SPART: variants seen among roughly 807,000 people sequenced by gnomAD.
SPART encodes the protein spastic paraplegia 20 (Troyer syndrome).
In SPART, 35 loss-of-function variants were observed where a neutral mutation model predicts 58.7. The ratio of observed to expected loss-of-function variants is 0.60; its 90% CI spans 0.46 to 0.79. The LOEUF is 0.79. Ranked by LOEUF, SPART falls within the 30% of genes least tolerant of loss-of-function variation. The probability of loss-of-function intolerance (pLI) is 0.00; values close to 1 mark genes in which losing one functional copy is unlikely to be tolerated. For synonymous variants in SPART, 284 were observed against 280.7 expected (o/e 1.01, Z -0.12); for missense variants, 730 against 786.1 (o/e 0.93, Z 0.85).
intron 5 of SPART, among the ~76,000 whole-genome samples, chr13:36,315,411 CTTAA>C (rs2079719405): frequency 6.6e-6 from 1 of 152,286 alleles, no homozygotes; most frequent in African/African-American, 2.4e-5. Context: ...ATATGAAATA[CTTAA>C]TTATGTTCTC....
intron 1 of SPART, among the ~76,000 whole-genome samples, chr13:36,367,908 A>G (rs953910094): frequency 3.9e-5 from 6 of 152,212 alleles, no homozygotes. Flanking sequence ...TTAAAAAATT[A>G]TATATTCTCA....
At chr13:36,334,066 A>G (rs1038676492) in intron 2 of SPART, among the ~76,000 whole-genome samples, 2 of 152,244 alleles carry the variant, frequency 1.3e-5, no homozygotes, top group African/African-American at 4.8e-5. Context: ...AAGCTGTGCT[A>G]TTACTAAACC....
chr13:36,316,066 T>G (rs1031809861), intron 5 of SPART, among the ~76,000 whole-genome samples: 1 of 152,248 alleles, frequency 6.6e-6, no homozygotes, highest in Non-Finnish European at 1.5e-5. Context: ...TTAAATGGCA[T>G]GTACAATGCC....
chr13:36,335,622 C>T lies in SPART; in HGVS notation c.209G>A (p.Gly70Glu), dbSNP rs762187326. ...SSKESEHTGP[G>E]WESARQMQQK... ...TTGCATCTGTCTAGCAGATTCCCACCCAGGACCTGTGTGTTCAGACTCTTT... is the reference window on the plus strand; with the variant it reads ...TTGCATCTGTCTAGCAGATTCCCACTCAGGACCTGTGTGTTCAGACTCTTT... Residue 70 changes from glycine (G) to glutamate (E), a missense_variant, in exon 2 of 9, where the codon GGG (glycine) becomes GAG (glutamate). Coordinates refer to ENST00000438666, the MANE Select transcript of SPART (RefSeq NM_015087.5). The T allele has an allele frequency of 6.8e-6, 11 of 1,614,006 alleles. No individual in the cohort carries two copies. The highest frequency in any genetic ancestry group is 6.7e-5 in the Admixed American group (4 of 59,992).
At chr13:36,345,792 C>T (rs1396234691) in intron 1 of SPART, among the ~76,000 whole-genome samples, 2 of 152,180 alleles carry the variant, frequency 1.3e-5, no homozygotes, top group African/African-American at 4.8e-5. Context: ...CAGAGAAAGG[C>T]TGCCCAACCT....
At chr13:36,362,475 C>T (rs931749371) in intron 1 of SPART, among the ~76,000 whole-genome samples, 3 of 152,020 alleles carry the variant, frequency 2.0e-5, no homozygotes, top group African/African-American at 7.3e-5. Flanking sequence ...GTATTCACTA[C>T]ATCTTTGTTA....
At chr13:36,313,629 A>C (rs1289518648) in intron 6 of SPART, among the ~76,000 whole-genome samples, 1 of 152,160 alleles carries the variant, frequency 6.6e-6, no homozygotes, top group Admixed American at 6.5e-5. Context: ...CTATGTTTAG[A>C]TGTGTTTAAA....
chr13:36,305,829 A>G (rs1332811038), intron 8 of SPART, among the ~76,000 whole-genome samples: 6 of 152,198 alleles, frequency 3.9e-5, no homozygotes, highest in East Asian at 1.9e-4. Flanking sequence ...CAAACAAAAC[A>G]AAGAGGCAAA....
chr13:36,325,810 A>G (rs915696175), intron 5 of SPART: 9 of 152,370 alleles, frequency 5.9e-5, no homozygotes, highest in African/African-American at 2.2e-4. Flanking sequence ...ATTGCTGTAT[A>G]GTTTATACAG....
At chr13:36,324,885 G>T (rs533896870) in intron 5 of SPART, among the ~76,000 whole-genome samples, 1 of 152,112 alleles carries the variant, frequency 6.6e-6, no homozygotes, top group Non-Finnish European at 1.5e-5. Context: ...AGTGGGGGTC[G>T]CAAGGTGCTC....
chr13:36,340,611 T>C (rs1412322374), intron 1 of SPART, among the ~76,000 whole-genome samples: 1 of 152,160 alleles, frequency 6.6e-6, no homozygotes, highest in African/African-American at 2.4e-5. Context: ...AGTTATTACA[T>C]CTTCTGTTTG....
chr13:36,313,844 C>T (rs558961468), intron 6 of SPART: 11 of 248,736 alleles, frequency 4.4e-5, no homozygotes, highest in South Asian at 4.0e-4. Flanking sequence ...TTACCTCCTG[C>T]GTTAAACAAT....
chr13:36,354,541 CTT>C, intron 1 of SPART, among the ~76,000 whole-genome samples: 1 of 152,358 alleles, frequency 6.6e-6, no homozygotes, highest in East Asian at 1.9e-4. Flanking sequence ...ATTAATAACA[CTT>C]TGCACATGTT....
At chr13:36,333,148 T>TA (rs1444644221) in intron 2 of SPART, among the ~76,000 whole-genome samples, 1 of 152,084 alleles carries the variant, frequency 6.6e-6, no homozygotes, top group Non-Finnish European at 1.5e-5. Flanking sequence ...TAGGACAGGA[T>TA]ATTACAGATA....
In SPART at chr13:36,335,752, C is replaced by T; in HGVS notation, c.79G>A (p.Val27Ile). ...TCATCTGTATTCAGACCTTTGTTAA[C>T]AAATAAAAAGGCCTTCTTATATGCT... The part of the protein sequence containing the change: ...REAYKKAFLF[V>I]NKGLNTDELG... Residue 27 changes from valine to isoleucine, a missense_variant, in exon 2 of 9, where the codon GTT (valine) becomes ATT (isoleucine). By Grantham distance (29) the Val-to-Ile change is conservative. Transcript: ENST00000438666. 3 of 1,614,058 alleles carry T rather than the reference C, an allele frequency of 1.9e-6. No individual in the cohort carries two copies. Among genetic ancestry groups the T allele is most frequent in the Non-Finnish European group, 2.5e-6 (3 of 1,179,978 alleles).
intron 8 of SPART, among the ~76,000 whole-genome samples, chr13:36,306,397 T>C (rs1412421637): frequency 6.6e-6 from 1 of 152,224 alleles, no homozygotes; most frequent in African/African-American, 2.4e-5. Context: ...ACAGTGACCG[T>C]AACTCTTGGT....
intron 1 of SPART, among the ~76,000 whole-genome samples, chr13:36,340,748 T>C (rs1399619009): frequency 6.6e-6 from 1 of 152,030 alleles, no homozygotes; most frequent in Non-Finnish European, 1.5e-5. Context: ...GTAAAACTGA[T>C]AGAATACCTA....
intron 1 of SPART, among the ~76,000 whole-genome samples, chr13:36,366,310 A>G (rs923954362): frequency 1.3e-5 from 2 of 152,158 alleles, no homozygotes; most frequent in South Asian, 2.1e-4. Flanking sequence ...CAGACATTCC[A>G]TGGAATCTCA....
chr13:36,350,262 G>A (rs1885359934), upstream of SPART, among the ~76,000 whole-genome samples: 3 of 152,196 alleles, frequency 2.0e-5, no homozygotes, highest in South Asian at 6.2e-4. Context: ...TCTCGCAGGT[G>A]AGGTCTCTGA....
Sources: allele counts gnomAD v4.1 joint callset (sites outside exome capture counted in the v4.1 genomes callset), GRCh38; gene constraint gnomAD v4.1.1; transcripts MANE v1.5; gene names NCBI Gene and HGNC (gene_info 2026-07-23, HGNC 2026-07-21).